The following CHUK variants were observed in gnomAD, a reference collection of about 807,000 sequenced individuals.
CHUK encodes the protein inhibitor of nuclear factor kappa-B kinase subunit alpha.
A neutral mutation model predicts 104.8 loss-of-function variants in CHUK; 35 were observed. The observed-to-expected ratio is 0.33, with a 90% CI of 0.26 to 0.44. The LOEUF is 0.44. Ranked by LOEUF, CHUK falls within the 20% of genes least tolerant of loss-of-function variation. The probability of loss-of-function intolerance (pLI) is 1.00; values close to 1 mark genes in which losing one functional copy is unlikely to be tolerated. For missense variants in CHUK, 663 were observed against 902.7 expected (o/e 0.73, Z 3.40); for synonymous variants, 276 against 291.9 (o/e 0.95, Z 0.56).
intron 4 of CHUK, 79 bp from the exon 5 acceptor site, chr10:100,220,755 A>C (rs1845968061): frequency 2.3e-6 from 2 of 861,010 alleles, no homozygotes; most frequent in Admixed American, 3.9e-5. Context: ...ATTTTGTACA[A>C]ATCTACTCTG....
At chr10:100,196,516 T>C (rs1303579254) in intron 16 of CHUK, among the ~76,000 whole-genome samples, 1 of 151,856 alleles carries the variant, frequency 6.6e-6, no homozygotes, top group Admixed American at 6.6e-5. Flanking sequence ...GCCTCCTGAG[T>C]AGCTGGGACT....
chr10:100,203,520 A>G (rs1202162888), intron 13 of CHUK, among the ~76,000 whole-genome samples: 1 of 152,030 alleles, frequency 6.6e-6, no homozygotes, highest in African/African-American at 2.4e-5. Context: ...GACACTATTG[A>G]TTGTTTACTC....
At chr10:100,212,982 CAG>C (rs1845763327) in intron 9 of CHUK, among the ~76,000 whole-genome samples, 1 of 119,364 alleles carries the variant, frequency 8.4e-6, no homozygotes, top group South Asian at 2.5e-4. Flanking sequence ...CTCCAGGCGA[CAG>C]AGTGAGACTT....
rs1845138442 is a variant in CHUK, at chr10:100,189,215, TACA to T, written c.*380_*382del. ...AGGTTTTCTTCTCTGTATACAAAAC[TACA>T]TTTGGTCTTACGCCCAAAAGTTAAA... On this transcript the variant is annotated 3_prime_UTR_variant, in exon 21 of 21. Coordinates refer to ENST00000370397, the MANE Select transcript of CHUK (RefSeq NM_001278.5). 1 of 182,050 alleles carries T rather than the reference TACA, an allele frequency of 5.5e-6. No individual in the cohort carries two copies. Among genetic ancestry groups the T allele is most frequent in the South Asian group, 1.3e-4 (1 of 7,848 alleles). 11.3% of individuals were successfully genotyped at this position (182,050 alleles called of 1,614,324 possible).
chr10:100,186,762 G>GTATA (rs1845025021), downstream of CHUK: 1 of 152,206 alleles, frequency 6.6e-6, no homozygotes, highest in Middle Eastern at 3.2e-3. Flanking sequence ...AAGGAAAAAG[G>GTATA]TATAGTTGGG....
intron 13 of CHUK, among the ~76,000 whole-genome samples, chr10:100,204,061 G>A (rs1845532295): frequency 1.3e-5 from 2 of 152,150 alleles, no homozygotes; most frequent in Non-Finnish European, 2.9e-5. Flanking sequence ...TCTTTTGTAA[G>A]AGCATTAATC....
At chr10:100,208,057 G>A (rs532185397) in intron 10 of CHUK, among the ~76,000 whole-genome samples, 1 of 152,294 alleles carries the variant, frequency 6.6e-6, no homozygotes, top group South Asian at 2.1e-4. Context: ...CAGGACCTAT[G>A]AGACTGCTGT....
intron 1 of CHUK, among the ~76,000 whole-genome samples, chr10:100,227,695 C>A (rs942420478): frequency 2.0e-5 from 3 of 152,102 alleles, no homozygotes; most frequent in African/African-American, 4.8e-5. Context: ...TATCTAGAAA[C>A]CTGGTTCACA....
intron 19 of CHUK, among the ~76,000 whole-genome samples, chr10:100,192,226 C>T (rs879543212): frequency 2.0e-5 from 3 of 152,194 alleles, no homozygotes; most frequent in Non-Finnish European, 4.4e-5. Context: ...ATTGTGGTGA[C>T]ATTTGTAAAC....
chr10:100,211,095 C>T (rs1449747110), intron 9 of CHUK, among the ~76,000 whole-genome samples: 1 of 152,130 alleles, frequency 6.6e-6, no homozygotes, highest in African/African-American at 2.4e-5. Flanking sequence ...TTATTTTTTT[C>T]CCTTTAAAAC....
intron 2 of CHUK, among the ~76,000 whole-genome samples, chr10:100,223,190 C>T (rs1180262753): frequency 6.6e-6 from 1 of 152,138 alleles, no homozygotes; most frequent in East Asian, 1.9e-4. Context: ...ACTACTATTA[C>T]ATTTCTAAGT....
At chr10:100,196,272 A>G (rs907921099) in intron 16 of CHUK, among the ~76,000 whole-genome samples, 1 of 152,100 alleles carries the variant, frequency 6.6e-6, no homozygotes, top group African/African-American at 2.4e-5. Flanking sequence ...GATTAATCCA[A>G]CCATCTGCTC....
At chr10:100,204,429 C>G (rs1241797004) in intron 13 of CHUK, 77 bp downstream of exon 13, 1 of 1,187,890 alleles carries the variant, frequency 8.4e-7, no homozygotes, top group Non-Finnish European at 1.3e-6. Context: ...AAACAACTGG[C>G]TGAGTTAAGA....
chr10:100,221,040 G>T (rs567521407), intron 4 of CHUK, among the ~76,000 whole-genome samples: 1 of 152,218 alleles, frequency 6.6e-6, no homozygotes, highest in African/African-American at 2.4e-5. Context: ...AATCTATGGG[G>T]AAACAAATTT....
intron 5 of CHUK, among the ~76,000 whole-genome samples, chr10:100,219,736 G>A (rs1236135881): frequency 6.6e-6 from 1 of 151,956 alleles, no homozygotes; most frequent in Non-Finnish European, 1.5e-5. Context: ...GGAAAGTAAA[G>A]GCAAGGGTGA....
intron 5 of CHUK, among the ~76,000 whole-genome samples, 185 bp from the exon 6 acceptor site, chr10:100,219,544 C>T (rs904396532): frequency 6.6e-6 from 1 of 152,160 alleles, no homozygotes; most frequent in Non-Finnish European, 1.5e-5. Flanking sequence ...AGTTATTTAA[C>T]CTCTCTCAGT....
downstream of CHUK, chr10:100,186,384 C>A: frequency 4.3e-6 from 1 of 232,182 alleles, no homozygotes; most frequent in African/African-American, 2.3e-5. Context: ...GTGGCACGCA[C>A]TTGCTTCCGG....
intron 9 of CHUK, among the ~76,000 whole-genome samples, chr10:100,213,000 CA>C (rs11349438): frequency 0.49 from 50,688 of 103,898 alleles, 7,947 homozygotes; most frequent in African/African-American, 0.52. Context: ...GACTTTGTCT[CA>C]AAAAAAAAAA....
At chr10:100,205,017 T>C in intron 12 of CHUK, 59 bp downstream of exon 12, 2 of 1,599,320 alleles carry the variant, frequency 1.3e-6, no homozygotes, top group Non-Finnish European at 1.7e-6. Flanking sequence ...CCGGCAAGAT[T>C]AATTCTTGAG....
Sources: allele counts gnomAD v4.1 joint callset (sites outside exome capture counted in the v4.1 genomes callset), GRCh38; gene constraint gnomAD v4.1.1; transcripts MANE v1.5; gene names NCBI Gene and HGNC (gene_info 2026-07-23, HGNC 2026-07-21).